The following ZNF638 variants were observed in gnomAD, a reference collection of about 807,000 sequenced individuals.
ZNF638 encodes CTCL tumor antigen se33-1.
A neutral mutation model predicts 195.6 loss-of-function variants in ZNF638; 46 were observed. That is an observed-to-expected ratio of 0.24 (90% CI 0.19 to 0.30). The LOEUF is 0.30. Among genes scored for constraint, ZNF638 ranks in the 10% least tolerant of loss-of-function variants. The probability of loss-of-function intolerance (pLI) is 1.00; values close to 1 mark genes in which losing one functional copy is unlikely to be tolerated. For missense variants in ZNF638, 2,440 were observed against 2,325.3 expected, an observed-to-expected ratio of 1.05 and a Z score of -1.01; for synonymous variants, 845 against 772.0, an observed-to-expected ratio of 1.09 and a Z score of -1.57.
rs1205545928 is a variant in ZNF638 at position 71,426,828 on chromosome 2, T to G, written c.4959T>G (p.Asp1653Glu). The stretch of plus-strand genomic sequence containing the variant: ...TAGATGAATTAATTGACCAAGATGA[T>G]TGCATTTCCCACAGTGAACCTAAAG... ...FTLDELIDQDDCISHSEPKDV... is the reference protein window; with the variant it reads ...FTLDELIDQDECISHSEPKDV... Residue 1653 changes from aspartate (D) to glutamate (E), a missense_variant, in exon 24 of 28, where the codon GAT (aspartate) becomes GAG (glutamate). Transcript: ENST00000264447. 1.2e-6 allele frequency: 2 copies of G among 1,613,536 alleles called. No individual in the cohort carries two copies. Among genetic ancestry groups the G allele is most frequent in the East Asian group, 4.5e-5 (2 of 44,870 alleles).
intron 23 of ZNF638, 72 bp from the exon 24 acceptor site, chr2:71,426,388 A>G: frequency 9.0e-7 from 1 of 1,110,826 alleles, no homozygotes; most frequent in African/African-American, 1.6e-5. Flanking sequence ...ATGCACATTT[A>G]TTGTGACTAT....
At chr2:71,404,909 T>C (rs1347376491) in intron 17 of ZNF638, among the ~76,000 whole-genome samples, 1 of 152,164 alleles carries the variant, frequency 6.6e-6, no homozygotes, top group Non-Finnish European at 1.5e-5. Flanking sequence ...GTAGAAATAT[T>C]GTATGCATCA....
chr2:71,408,312 C>A, intron 20 of ZNF638, 65 bp downstream of exon 20: 2 of 1,534,498 alleles, frequency 1.3e-6, no homozygotes, highest in Non-Finnish European at 1.8e-6. Flanking sequence ...AGGTCATTCT[C>A]AGGTAGTAGT....
chr2:71,412,063 A>C (rs1240081123), intron 20 of ZNF638, among the ~76,000 whole-genome samples: 1 of 114,502 alleles, frequency 8.7e-6, no homozygotes, highest in Admixed American at 9.1e-5. Context: ...TGACTTCCAC[A>C]ATGGTTGAAC....
intron 8 of ZNF638, among the ~76,000 whole-genome samples, chr2:71,371,702 GTT>G (rs55785640): frequency 0.045 from 6,695 of 148,490 alleles, 266 homozygotes; most frequent in Non-Finnish European, 0.07. Context: ...CAGAGTATTA[GTT>G]TTTTTTTTTC....
At chr2:71,418,544 A>G (rs1471171250) in intron 20 of ZNF638, 58 bp from the exon 21 acceptor site, 1 of 1,164,548 alleles carries the variant, frequency 8.6e-7, no homozygotes, top group East Asian at 2.7e-5. Context: ...TTGCTTTTAT[A>G]GTTAAATATT....
chr2:71,419,974 C>CTTTTTTTTTTTT (rs58583336), intron 21 of ZNF638, among the ~76,000 whole-genome samples: 1 of 27,022 alleles, frequency 3.7e-5, no homozygotes, highest in African/African-American at 1.6e-4. Flanking sequence ...CCCCCCCCGC[C>CTTTTTTTTTTTT]TTTTTTTTTT....
intron 22 of ZNF638, among the ~76,000 whole-genome samples, 172 bp from the exon 23 acceptor site, chr2:71,424,478 T>A (rs2080495837): frequency 6.6e-6 from 1 of 152,220 alleles, no homozygotes; most frequent in African/African-American, 2.4e-5. Context: ...AGACTGTGCC[T>A]ATACTGTTTA....
In ZNF638 at chr2:71,394,537, T is replaced by C. The variant is rs374051359; in HGVS notation, c.2378-1604T>C. 3.9e-5 allele frequency among the ~76,000 whole-genome samples: 6 copies of C among 152,194 alleles called. No individual in the cohort carries two copies. In the South Asian group the frequency reaches 8.3e-4, roughly 21 times the overall value. ...CAGGCTTGCTTCACCTCATGTATCATTAATTACAATATATCTAATTTAAAT... is the reference window on the plus strand; with the variant it reads ...CAGGCTTGCTTCACCTCATGTATCACTAATTACAATATATCTAATTTAAAT... On this transcript the variant is annotated intron_variant, in intron 10 of 27. Transcript: ENST00000264447.
intron 10 of ZNF638, chr2:71,393,768 C>T (rs879456067): frequency 1.6e-6 from 1 of 625,506 alleles, no homozygotes; most frequent in Non-Finnish European, 2.9e-6. Context: ...CCTGGGCAGG[C>T]ACCCCCTTCC....
At chr2:71,418,703 AT>A in intron 21 of ZNF638, 64 bp downstream of exon 21, 1 of 1,152,384 alleles carries the variant, frequency 8.7e-7, no homozygotes, top group South Asian at 1.7e-5. Context: ...TTATTGCTGT[AT>A]TTTATAGTAA....
Position 71,349,843 on chromosome 2 carries a change from C to T in ZNF638, c.889C>T (p.His297Tyr), listed in dbSNP as rs202077297. ...VESGTKMSGL[H>Y]ISGGQSVLEP... ...GAGTGGAACCAAGATGTCAGGCTTACACATTTCAGGAGGACAGTCAGTCCT... is the reference window on the plus strand; with the variant it reads ...GAGTGGAACCAAGATGTCAGGCTTATACATTTCAGGAGGACAGTCAGTCCT... Residue 297 changes from histidine (H) to tyrosine (Y), a missense_variant, in exon 2 of 28, where the codon CAC becomes TAC. By Grantham distance (83) the His-to-Tyr change is moderately conservative. Around this residue, in one of 5 missense-constraint regions of ZNF638, gnomAD observed 305 missense variants for 283.6 expected, o/e 1.08. Coordinates refer to ENST00000264447, the MANE Select transcript of ZNF638 (RefSeq NM_014497.5). 14 of 1,614,186 alleles carry T rather than the reference C, an allele frequency of 8.7e-6. No homozygotes were observed. The highest frequency in any genetic ancestry group is 1.1e-5 in the Non-Finnish European group (13 of 1,180,034).
intron 7 of ZNF638, among the ~76,000 whole-genome samples, chr2:71,369,233 G>C (rs2079262232): frequency 6.7e-6 from 1 of 149,844 alleles, no homozygotes. Context: ...TGAGGCAGGA[G>C]AATCTCTTGA....
At chr2:71,372,416 C>T (rs979651836) in intron 8 of ZNF638, among the ~76,000 whole-genome samples, 1 of 152,188 alleles carries the variant, frequency 6.6e-6, no homozygotes, top group African/African-American at 2.4e-5. Context: ...TTGCTGTCCA[C>T]TGTGACAGAG....
Position 71,418,619 on chromosome 2 carries a change from C to T in ZNF638, c.3279C>T (p.Asp1093=). ...TATTACAGGTGCAAATTGAGCATGACCCAGAATTAGAAAAAGAAAGGTATG... is the reference window on the plus strand; with the variant it reads ...TATTACAGGTGCAAATTGAGCATGATCCAGAATTAGAAAAAGAAAGGTATG... ...IDLPEVQIEH[D]PELEKESPGL... Residue 1093 remains aspartate (D), a synonymous_variant, in exon 21 of 28, where the codon GAC becomes GAT. Coordinates refer to ENST00000264447, the MANE Select transcript of ZNF638 (RefSeq NM_014497.5). The T allele has an allele frequency of 6.4e-7, 1 of 1,554,984 alleles. No homozygotes were observed. Among genetic ancestry groups the T allele is most frequent in the Non-Finnish European group, 8.7e-7 (1 of 1,150,788 alleles).
At chr2:71,380,197 T>C (rs1402469580) in intron 8 of ZNF638, 25 bp from the exon 9 acceptor site, 4 of 1,446,650 alleles carry the variant, frequency 2.8e-6, no homozygotes, top group East Asian at 4.9e-5. Context: ...AAATTTCTTT[T>C]GTTCAAAATA....
At chr2:71,336,836 T>TA (rs2078679791) in intron 1 of ZNF638, among the ~76,000 whole-genome samples, 1 of 152,196 alleles carries the variant, frequency 6.6e-6, no homozygotes, top group Non-Finnish European at 1.5e-5. Context: ...TCTAAGTTCT[T>TA]AAAGACTGTG....
In ZNF638 at chr2:71,408,304, G is replaced by C. The variant is rs184482719; in HGVS notation, c.3261+57G>C. 5.5e-5 allele frequency: 86 copies of C among 1,562,640 alleles called. No homozygotes were observed. In the Admixed American group the frequency reaches 5.8e-4, roughly 11 times the overall value. ...TTTAGAAAATACAGAGAACATAAAG[G>C]TCATTCTCAGGTAGTAGTCAAACTG... is the stretch of plus-strand genomic sequence containing the variant. On this transcript the variant is annotated intron_variant, in intron 20 of 27. Transcript: ENST00000264447.
At position 71,402,025 on chromosome 2, in the gene ZNF638, T is replaced by C; in HGVS notation, c.2767T>C (p.Tyr923His). ...PNKGYSVEEVYDLAKPFGGLK... is the reference protein window; with the variant it reads ...PNKGYSVEEVHDLAKPFGGLK... ...TAAAGGATATTCTGTAGAAGAAGTT[T>C]ATGACTTAGCAAAACCATTTGGTGG... The change falls in exon 16 of 28, where the codon TAT (tyrosine) becomes CAT (histidine). Residue 923 changes from tyrosine (Y) to histidine (H), a missense_variant. Physicochemically the swap from Tyr to His is moderately conservative, Grantham distance 83. Around this residue, in one of 5 missense-constraint regions of ZNF638, gnomAD observed 1,883 missense variants for 1,739.1 expected, o/e 1.08. Transcript: ENST00000264447. 1.2e-6 allele frequency: 2 copies of C among 1,609,700 alleles called. No homozygotes were observed. Among genetic ancestry groups the C allele is most frequent in the East Asian group, 2.2e-5 (1 of 44,698 alleles).
Sources: allele counts gnomAD v4.1 joint callset (sites outside exome capture counted in the v4.1 genomes callset), GRCh38; gene constraint gnomAD v4.1.1; regional missense constraint gnomAD v4.1.1; transcripts MANE v1.5; gene names NCBI Gene and HGNC (gene_info 2026-07-23, HGNC 2026-07-21).